Variants in PSTPIP1 observed in about 807,000 individuals in gnomAD.
PSTPIP1 encodes proline-serine-threonine phosphatase-interacting protein 1.
Under a neutral mutation model 69.6 loss-of-function variants are expected in PSTPIP1, and 66 were observed. The observed-to-expected ratio is 0.95, with a 90% CI of 0.78 to 1.16. The LOEUF is 1.16. Among genes scored for constraint, PSTPIP1 ranks in the 50% most tolerant of loss-of-function variants. PSTPIP1 has a pLI of 0.00. For synonymous variants in PSTPIP1, 266 were observed against 222.7 expected, an observed-to-expected ratio of 1.19 and a Z score of -1.73; for missense variants, 603 against 557.4, an observed-to-expected ratio of 1.08 and a Z score of -0.82.
intron 1 of PSTPIP1, among the ~76,000 whole-genome samples, chr15:77,003,765 G>A (rs1457030005): frequency 6.6e-6 from 1 of 152,052 alleles, no homozygotes; most frequent in East Asian, 1.9e-4. Context: ...CTGAACCTCA[G>A]TTTCCTCATC....
chr15:77,032,905 G>T lies in PSTPIP1; in HGVS notation c.882G>T (p.Pro294=). 2 of 1,604,774 alleles carry T rather than the reference G, an allele frequency of 1.2e-6. No individual in the cohort carries two copies. Among genetic ancestry groups the T allele is most frequent in the Non-Finnish European group, 8.5e-7 (1 of 1,176,228 alleles). The stretch of plus-strand genomic sequence containing the variant: ...ACTATTACGATCGGGAGGTCACCCC[G>T]CTGACCAGCAGCCCTGGCATACAGC... The part of the protein sequence containing the change: ...YQNYYDREVT[P]LTSSPGIQPS... Residue 294 remains proline, a synonymous_variant, in exon 12 of 15, where the codon CCG becomes CCT. Transcript: ENST00000558012.
chr15:76,997,296 G>A (rs1424313239), intron 1 of PSTPIP1, among the ~76,000 whole-genome samples: 3 of 152,234 alleles, frequency 2.0e-5, no homozygotes, highest in Non-Finnish European at 4.4e-5. Context: ...GGGAAGGCCA[G>A]AGCAGGAAGG....
chr15:77,026,152 G>C (rs1223423481), intron 5 of PSTPIP1: 1 of 456,106 alleles, frequency 2.2e-6, no homozygotes, highest in Non-Finnish European at 4.4e-6. Flanking sequence ...CTGCATGGAA[G>C]TGAAGTCCCC....
At chr15:77,029,503 G>A in intron 7 of PSTPIP1, 26 bp from the exon 8 acceptor site, 1 of 1,565,236 alleles carries the variant, frequency 6.4e-7, no homozygotes, top group Non-Finnish European at 8.7e-7. Context: ...CAGGGGCTTA[G>A]CGCTGCTTCC....
At chr15:77,009,751 G>T (rs1344961569) in intron 1 of PSTPIP1, among the ~76,000 whole-genome samples, 1 of 152,190 alleles carries the variant, frequency 6.6e-6, no homozygotes, top group Non-Finnish European at 1.5e-5. Flanking sequence ...GGCTCAGGAG[G>T]TTTGTGACTC....
chr15:77,035,213 C>G (rs114457774), intron 12 of PSTPIP1, among the ~76,000 whole-genome samples: 115 of 152,308 alleles, frequency 7.6e-4, no homozygotes, highest in African/African-American at 2.7e-3. Flanking sequence ...GCTACAGCTT[C>G]GGGGGTTCTA....
intron 12 of PSTPIP1, among the ~76,000 whole-genome samples, chr15:77,034,327 C>T (rs925675077): frequency 1.4e-4 from 21 of 152,276 alleles, no homozygotes; most frequent in African/African-American, 4.3e-4. Flanking sequence ...GGAGCTGGCA[C>T]GTGTGTCTGC....
At chr15:77,005,098 T>A (rs950728579) in intron 1 of PSTPIP1, among the ~76,000 whole-genome samples, 1 of 152,136 alleles carries the variant, frequency 6.6e-6, no homozygotes, top group African/African-American at 2.4e-5. Context: ...TAATTACCAT[T>A]GCTGGCCAAG....
At chr15:77,022,019 C>T (rs1330187541) in intron 3 of PSTPIP1, among the ~76,000 whole-genome samples, 1 of 152,260 alleles carries the variant, frequency 6.6e-6, no homozygotes, top group African/African-American at 2.4e-5. Context: ...TCTGTGGTTA[C>T]CAGTGGGCAG....
intron 9 of PSTPIP1, 82 bp downstream of exon 9, chr15:77,030,663 C>T (rs2076392764): frequency 7.3e-7 from 1 of 1,363,304 alleles, no homozygotes; most frequent in East Asian, 2.5e-5. Flanking sequence ...TTAAAGGGGC[C>T]CAAGTGAGGC....
In PSTPIP1 at chr15:77,035,843, G is replaced by GGT; in HGVS notation, c.1030_1031dup (p.Tyr345SerfsTer45). On this transcript the variant is annotated frameshift_variant, in exon 14 of 15. Coordinates refer to ENST00000558012, the MANE Select transcript of PSTPIP1 (RefSeq NM_003978.5). LOFTEE classifies it high-confidence loss of function. The stretch of plus-strand genomic sequence containing the variant: ...GACCCCCACCCCCGAGCGGAATGAG[G>GGT]GTGTCTACACAGCCATCGCAGTGCA... 1 of 1,610,422 alleles carries GGT rather than the reference G, an allele frequency of 6.2e-7. No homozygotes were observed. Among genetic ancestry groups the GGT allele is most frequent in the Non-Finnish European group, 8.5e-7 (1 of 1,179,656 alleles).
At chr15:76,997,283 C>G (rs1165954252) in intron 1 of PSTPIP1, among the ~76,000 whole-genome samples, 1 of 152,196 alleles carries the variant, frequency 6.6e-6, no homozygotes, top group African/African-American at 2.4e-5. Context: ...TATAGTTTCC[C>G]TAGGGAAGGC....
chr15:77,009,278 G>A (rs948056289), intron 1 of PSTPIP1, among the ~76,000 whole-genome samples: 1 of 152,120 alleles, frequency 6.6e-6, no homozygotes, highest in Non-Finnish European at 1.5e-5. Context: ...AGGCTGCAGG[G>A]GTCCCTGCCT....
chr15:77,023,692 A>G, intron 3 of PSTPIP1: 1 of 152,148 alleles, frequency 6.6e-6, no homozygotes, highest in Non-Finnish European at 1.5e-5. Flanking sequence ...TGAGACCCAA[A>G]AGGTGAGGGC....
chr15:77,034,037 T>TAGAGAGAG (rs139918038), intron 12 of PSTPIP1, among the ~76,000 whole-genome samples: 1 of 149,994 alleles, frequency 6.7e-6, no homozygotes, highest in East Asian at 2.0e-4. Flanking sequence ...CAGAGAGGAT[T>TAGAGAGAG]AGAGAGAGAG....
At chr15:77,015,864 C>T (rs1016471396) in intron 1 of PSTPIP1, 14 of 452,638 alleles carry the variant, frequency 3.1e-5, no homozygotes, top group Admixed American at 2.8e-4. Context: ...GCCACAGCCC[C>T]TGCCAGCAGC....
Position 77,032,295 on chromosome 15 carries a change from C to T in PSTPIP1, c.742-3C>T. 2.5e-6 allele frequency: 4 copies of T among 1,612,334 alleles called. No homozygotes were observed. The highest frequency in any genetic ancestry group is 3.4e-6 in the Non-Finnish European group (4 of 1,179,604). On this transcript the variant is annotated splice_region_variant and splice_polypyrimidine_tract_variant and intron_variant, in intron 10 of 14. Transcript: ENST00000558012. Reference sequence around the variant, plus strand: ...CTGCGGCCTCTGCTCTTTCCTGCCCCAGCTCTACGAGGAAGTGCGGCTGAC... The same window carrying T: ...CTGCGGCCTCTGCTCTTTCCTGCCCTAGCTCTACGAGGAAGTGCGGCTGAC...
chr15:77,025,258 C>T, intron 3 of PSTPIP1, 26 bp from the exon 4 acceptor site: 1 of 1,601,128 alleles, frequency 6.2e-7, no homozygotes, highest in Non-Finnish European at 8.6e-7. Context: ...TCTCCTCCTC[C>T]TGACCTGGAC....
intron 1 of PSTPIP1, among the ~76,000 whole-genome samples, chr15:77,017,639 G>T (rs560418994): frequency 6.6e-6 from 1 of 152,218 alleles, no homozygotes; most frequent in African/African-American, 2.4e-5. Flanking sequence ...CAGTGCTGAG[G>T]TGAAGGGCAG....
Sources: gnomAD v4.1 joint callset for allele counts (sites outside exome capture counted in the v4.1 genomes callset) on GRCh38, gnomAD v4.1.1 for gene constraint, MANE v1.5 for transcripts, NCBI Gene and HGNC (gene_info 2026-07-23, HGNC 2026-07-21) for gene names.